Variants in MED27 observed in about 807,000 individuals in gnomAD.
MED27 encodes mediator of RNA polymerase II transcription subunit 27.
A neutral mutation model predicts 38.2 loss-of-function variants in MED27; 30 were observed. The observed-to-expected ratio is 0.79, with a 90% CI of 0.59 to 1.07. MED27 has a LOEUF of 1.07. Ranked by LOEUF, MED27 falls within the 50% of genes least tolerant of loss-of-function variation. The pLI, the probability that MED27 is intolerant of heterozygous loss-of-function variation, is 0.00. For missense variants in MED27, 289 were observed against 397.5 expected, an observed-to-expected ratio of 0.73 and a Z score of 2.32; for synonymous variants, 122 against 153.5, an observed-to-expected ratio of 0.79 and a Z score of 1.52.
intron 3 of MED27, among the ~76,000 whole-genome samples, chr9:131,974,932 TA>T (rs563561109): frequency 1.1e-4 from 17 of 152,302 alleles, no homozygotes; most frequent in African/African-American, 4.1e-4. Context: ...TATCTTTTTT[TA>T]AGACCAGTAA....
chr9:131,887,115 G>T (rs2131491684), intron 5 of MED27, among the ~76,000 whole-genome samples: 1 of 152,174 alleles, frequency 6.6e-6, no homozygotes, highest in East Asian at 1.9e-4. Flanking sequence ...CAGAAAAGAA[G>T]AATCTGCTAC....
intron 2 of MED27, among the ~76,000 whole-genome samples, chr9:132,021,168 G>A (rs1326238955): frequency 1.3e-5 from 2 of 152,202 alleles, no homozygotes; most frequent in African/African-American, 4.8e-5. Context: ...ATGGATAGCA[G>A]CCCTTTTCTT....
chr9:131,984,277 T>C lies in MED27; in HGVS notation c.479+30060A>G, dbSNP rs571553805. On this transcript the variant is annotated intron_variant, in intron 3 of 7. Transcript: ENST00000292035. The stretch of plus-strand genomic sequence containing the variant: ...CACCTCCTCACATTCTGTACATGAC[T>C]TCTGATTGTTTGTCTTCCATATTCT... Among the ~76,000 whole-genome samples the C allele has an allele frequency of 7.7e-4, 117 of 152,274 alleles. 1 individual carries two copies. The highest frequency in any genetic ancestry group is 3.4e-3 in the Middle Eastern group (1 of 294).
Position 131,982,406 on chromosome 9 carries a change from T to C in MED27, c.479+31931A>G, listed in dbSNP as rs961621082. Among the ~76,000 whole-genome samples the C allele has an allele frequency of 6.6e-6, 1 of 152,172 alleles. No individual in the cohort carries two copies. Among genetic ancestry groups the C allele is most frequent in the Non-Finnish European group, 1.5e-5 (1 of 68,022 alleles). ...TGAATACAACTCCCTGAATGATCAC[T>C]GACAAGATCAGGAGTAGAATCACCC... On this transcript the variant is annotated intron_variant, in intron 3 of 7. Transcript: ENST00000292035. This position sits in a 1 kb window ranked among gnomAD's most constrained non-coding sequence, Gnocchi z 4.3.
At chr9:132,014,304 G>C (rs778215743) in intron 3 of MED27, 33 bp downstream of exon 3, 35 of 1,600,696 alleles carry the variant, frequency 2.2e-5, no homozygotes, top group Non-Finnish European at 2.6e-5. Context: ...AGTTCACCCA[G>C]TACTAAAGTA....
In MED27 at chr9:132,047,524, G is replaced by T. The variant is rs150059329; in HGVS notation, c.348+29918C>A. 4.5e-3 allele frequency among the ~76,000 whole-genome samples: 671 copies of T among 149,950 alleles called. 3 individuals carry two copies. Among genetic ancestry groups the T allele is most frequent in the African/African-American group, 0.015 (608 of 40,724 alleles). On this transcript the variant is annotated intron_variant, in intron 2 of 7. Coordinates refer to ENST00000292035, the MANE Select transcript of MED27 (RefSeq NM_004269.4). ...ATAGTGGTTCAAATGGTGACCTATG[G>T]TTTTGTAATAAAGCTTGTCCAAATC...
intron 4 of MED27, among the ~76,000 whole-genome samples, chr9:131,936,783 T>A (rs951714700): frequency 3.9e-5 from 6 of 152,336 alleles, no homozygotes; most frequent in Admixed American, 3.9e-4. Context: ...TTTCCTTATG[T>A]AAGTCAATCA....
intron 3 of MED27, among the ~76,000 whole-genome samples, chr9:131,996,463 G>A (rs1280979296): frequency 1.3e-5 from 2 of 152,194 alleles, no homozygotes; most frequent in African/African-American, 4.8e-5. Flanking sequence ...TGCAGAGGTG[G>A]AGGCTATAGT....
intron 2 of MED27, among the ~76,000 whole-genome samples, chr9:132,016,043 A>C (rs1398304502): frequency 6.6e-6 from 1 of 152,182 alleles, no homozygotes; most frequent in Non-Finnish European, 1.5e-5. Flanking sequence ...CAAGGCACAG[A>C]TTTTCTTTGC....
At chr9:131,936,744 C>G (rs1830693743) in intron 4 of MED27, among the ~76,000 whole-genome samples, 1 of 152,204 alleles carries the variant, frequency 6.6e-6, no homozygotes, top group South Asian at 2.1e-4. Flanking sequence ...GCACCTGGCA[C>G]CATCAAACAG....
intron 4 of MED27, among the ~76,000 whole-genome samples, chr9:131,903,700 T>G (rs754328700): frequency 2.0e-5 from 3 of 152,170 alleles, no homozygotes; most frequent in Non-Finnish European, 2.9e-5. Context: ...AGGCACTCCC[T>G]GTATGGTGGC....
At position 131,893,878 on chromosome 9, in the gene MED27, T is replaced by C; in HGVS notation, c.681+7A>G. 1 of 1,607,066 alleles carries C rather than the reference T, an allele frequency of 6.2e-7. No individual in the cohort carries two copies. Among genetic ancestry groups the C allele is most frequent in the East Asian group, 2.2e-5 (1 of 44,856 alleles). ...CCAAGGAACACACAAGACTGCACAA[T>C]GCTTACCTTGCCATCTTCTGTGTAG... On this transcript the variant is annotated splice_region_variant and intron_variant, in intron 5 of 7. Transcript: ENST00000292035.
intron 3 of MED27, among the ~76,000 whole-genome samples, chr9:131,940,501 C>T (rs1055167049): frequency 5.3e-5 from 8 of 151,982 alleles, no homozygotes; most frequent in East Asian, 1.9e-4. Context: ...CTGCAACCTC[C>T]GCCTCCCAGG....
At chr9:131,926,801 T>C (rs1830492697) in intron 4 of MED27, among the ~76,000 whole-genome samples, 1 of 152,232 alleles carries the variant, frequency 6.6e-6, no homozygotes, top group African/African-American at 2.4e-5. Context: ...AAATTGAAGG[T>C]TGGTTAAAAT....
At chr9:131,894,475 A>G (rs1829793338) in intron 4 of MED27, among the ~76,000 whole-genome samples, 1 of 152,224 alleles carries the variant, frequency 6.6e-6, no homozygotes, top group Admixed American at 6.5e-5. Context: ...ATCTATTTAT[A>G]GTAACTGGTA....
intron 4 of MED27, among the ~76,000 whole-genome samples, chr9:131,899,758 C>G (rs529105346): frequency 6.6e-6 from 1 of 152,188 alleles, no homozygotes; most frequent in Non-Finnish European, 1.5e-5. Context: ...GCCCTCACAT[C>G]GCTCTACAAT....
chr9:131,966,692 G>A (rs1692760991), intron 3 of MED27, among the ~76,000 whole-genome samples: 1 of 152,118 alleles, frequency 6.6e-6, no homozygotes, highest in Non-Finnish European at 1.5e-5. Flanking sequence ...AGTGGACAAG[G>A]ACCCGGACTC....
chr9:132,037,996 A>G (rs1246327674), intron 2 of MED27, among the ~76,000 whole-genome samples: 1 of 152,038 alleles, frequency 6.6e-6, no homozygotes, highest in Non-Finnish European at 1.5e-5. Context: ...GACGCAACCA[A>G]TATGCAAGGA....
rs1830463362 is a variant in MED27 at position 131,925,307 on chromosome 9, T to C, written c.573+14074A>G. ...TTATGGAATACATTAGATGTTTTGATACAGGCATGCAATGCATAATAACCG... is the reference window on the plus strand; with the variant it reads ...TTATGGAATACATTAGATGTTTTGACACAGGCATGCAATGCATAATAACCG... On this transcript the variant is annotated intron_variant, in intron 4 of 7. Transcript: ENST00000292035. Among the ~76,000 whole-genome samples, 2 of 152,242 alleles carry C rather than the reference T, an allele frequency of 1.3e-5. 1 individual carries two copies. Among genetic ancestry groups the C allele is most frequent in the South Asian group, 4.1e-4 (2 of 4,834 alleles).
Sources: allele counts gnomAD v4.1 joint callset (sites outside exome capture counted in the v4.1 genomes callset), GRCh38; gene constraint gnomAD v4.1.1; non-coding constraint Gnocchi (gnomAD v3.1); transcripts MANE v1.5; gene names NCBI Gene and HGNC (gene_info 2026-07-23, HGNC 2026-07-21).